Variants in ATG7 observed in about 807,000 individuals in gnomAD.
ATG7 encodes ubiquitin-like modifier-activating enzyme ATG7.
A neutral mutation model predicts 82.4 loss-of-function variants in ATG7; 70 were observed. The ratio of observed to expected loss-of-function variants is 0.85; its 90% confidence interval spans 0.70 to 1.04. The LOEUF (loss-of-function observed/expected upper bound fraction) is 1.04. ATG7 is among the 50% of genes least tolerant of loss of function. ATG7 has a pLI of 0.00. For synonymous variants in ATG7, 287 were observed against 313.0 expected (o/e 0.92, Z 0.88); for missense variants, 792 against 864.3 (o/e 0.92, Z 1.05).
intron 20 of ATG7, among the ~76,000 whole-genome samples, chr3:11,462,944 G>C (rs1320149829): frequency 6.6e-6 from 1 of 151,350 alleles, no homozygotes; most frequent in Non-Finnish European, 1.5e-5. Flanking sequence ...GGAGTGTAAT[G>C]GTGCGATCTC....
At chr3:11,413,747 G>C (rs2081128238) in intron 19 of ATG7, among the ~76,000 whole-genome samples, 1 of 152,182 alleles carries the variant, frequency 6.6e-6, no homozygotes, top group Non-Finnish European at 1.5e-5. Context: ...TGGCCTCATA[G>C]AATGACTTAG....
chr3:11,410,817 A>C (rs981743081), intron 19 of ATG7, among the ~76,000 whole-genome samples: 2 of 152,186 alleles, frequency 1.3e-5, no homozygotes, highest in African/African-American at 4.8e-5. Flanking sequence ...CCATGGATGG[A>C]CACTTGGATT....
At position 11,275,498 on chromosome 3, in the gene ATG7, A is replaced by C. The variant is rs577395116; in HGVS notation, c.-366+3068A>C. Among the ~76,000 whole-genome samples, 17 of 134,894 alleles carry C rather than the reference A, an allele frequency of 1.3e-4. No homozygotes were observed. In the South Asian group the frequency reaches 2.6e-3, roughly 21 times the overall value. 88.5% of individuals were successfully genotyped at this position (134,894 alleles called of 152,430 possible). ...CCAGGAACTGGGACTACAGGTGCCCACCACCATGCCCGGCTAATTTTTTTT... is the reference window on the plus strand; with the variant it reads ...CCAGGAACTGGGACTACAGGTGCCCCCCACCATGCCCGGCTAATTTTTTTT... On this transcript the variant is annotated intron_variant, in intron 1 of 20. Coordinates refer to ENST00000693202, the MANE Select transcript of ATG7 (RefSeq NM_001349232.2).
intron 19 of ATG7, among the ~76,000 whole-genome samples, chr3:11,389,232 C>CAAAAAAAAAA (rs752930553): frequency 1.7e-5 from 1 of 57,264 alleles, no homozygotes; most frequent in Non-Finnish European, 2.9e-5. Flanking sequence ...GACCCTGTCT[C>CAAAAAAAAAA]AAAAAAAAAA....
At chr3:11,392,244 T>A (rs1302655022) in intron 19 of ATG7, among the ~76,000 whole-genome samples, 1 of 152,112 alleles carries the variant, frequency 6.6e-6, no homozygotes, top group Non-Finnish European at 1.5e-5. Flanking sequence ...TTTTGGTTAA[T>A]TCTCAGCTTA....
intron 20 of ATG7, among the ~76,000 whole-genome samples, chr3:11,455,841 G>A (rs2085654027): frequency 6.6e-6 from 1 of 152,214 alleles, no homozygotes; most frequent in South Asian, 2.1e-4. Flanking sequence ...CCCCACAGAT[G>A]GTTAATTACT....
Position 11,489,049 on chromosome 3 carries a change from G to A in ATG7, c.2079+62123G>A, listed in dbSNP as rs577184404. 7.0e-3 allele frequency among the ~76,000 whole-genome samples: 1,072 copies of A among 152,182 alleles called. 8 individuals are homozygous for A. The highest frequency in any genetic ancestry group is 0.011 in the Non-Finnish European group (721 of 67,996). On this transcript the variant is annotated intron_variant, in intron 20 of 20. Transcript: ENST00000693202. ...ATCTGGTCCTGGACTCTTTTTGGTT[G>A]GTAAGCTATTGATTATTGCCACAAT...
intron 20 of ATG7, among the ~76,000 whole-genome samples, chr3:11,535,175 G>A (rs74528647): frequency 0.041 from 6,219 of 152,290 alleles, 401 homozygotes; most frequent in African/African-American, 0.14. Flanking sequence ...GCCTGGACCC[G>A]GGCCATGCCC....
At chr3:11,425,962 G>A (rs1227883541) in intron 19 of ATG7, among the ~76,000 whole-genome samples, 1 of 152,090 alleles carries the variant, frequency 6.6e-6, no homozygotes, top group Non-Finnish European at 1.5e-5. Flanking sequence ...TGTTCTCACT[G>A]ATATATAGTA....
chr3:11,331,205 T>G, intron 9 of ATG7, 135 bp from the exon 10 acceptor site: 1 of 729,314 alleles, frequency 1.4e-6, no homozygotes, highest in Non-Finnish European at 2.4e-6. Flanking sequence ...TCTCCTCCCC[T>G]TAGCCCTTTA....
chr3:11,530,126 C>T (rs895396995), intron 20 of ATG7, among the ~76,000 whole-genome samples: 1 of 152,138 alleles, frequency 6.6e-6, no homozygotes, highest in African/African-American at 2.4e-5. Flanking sequence ...ACTGGATGAC[C>T]CATGCAGAAA....
intron 20 of ATG7, among the ~76,000 whole-genome samples, chr3:11,461,904 C>A (rs1158250271): frequency 6.6e-6 from 1 of 151,958 alleles, no homozygotes; most frequent in Non-Finnish European, 1.5e-5. Flanking sequence ...GTGGCGGGCG[C>A]CTGTAGTCCC....
In ATG7 at chr3:11,503,558, A is replaced by G. The variant is rs187669427; in HGVS notation, c.2080-51253A>G. 2.0e-5 allele frequency among the ~76,000 whole-genome samples: 3 copies of G among 152,182 alleles called. No individual in the cohort carries two copies. The East Asian group carries it at 5.8e-4, about 29-fold the overall frequency. The stretch of plus-strand genomic sequence containing the variant: ...CAGATCACGAAGTCAGGAGGTCAAG[A>G]CCAGCCTGACCAACATGATGAAACC... On this transcript the variant is annotated intron_variant, in intron 20 of 20. Transcript: ENST00000693202.
chr3:11,304,655 T>C (rs551482733), intron 5 of ATG7: 1 of 152,362 alleles, frequency 6.6e-6, no homozygotes, highest in East Asian at 1.9e-4. Context: ...CCCAGCACTT[T>C]CCTGAGTCAT....
At chr3:11,351,888 C>T (rs554121212) in intron 14 of ATG7, among the ~76,000 whole-genome samples, 1 of 150,514 alleles carries the variant, frequency 6.6e-6, no homozygotes, top group South Asian at 2.1e-4. Context: ...TTCTAGGGTA[C>T]ATGTGCACAA....
chr3:11,552,436 A>C (rs1218519559), intron 20 of ATG7, among the ~76,000 whole-genome samples: 1 of 152,122 alleles, frequency 6.6e-6, no homozygotes, highest in Non-Finnish European at 1.5e-5. Flanking sequence ...CACCAGTTGC[A>C]CTGCCAAGGA....
chr3:11,481,255 C>G (rs1398471765), intron 20 of ATG7, among the ~76,000 whole-genome samples: 1 of 152,184 alleles, frequency 6.6e-6, no homozygotes, highest in African/African-American at 2.4e-5. Context: ...GACGGTTGCA[C>G]AACAGTGTGA....
intron 20 of ATG7, among the ~76,000 whole-genome samples, chr3:11,435,460 A>G (rs1014790916): frequency 2.0e-5 from 3 of 152,218 alleles, no homozygotes; most frequent in African/African-American, 4.8e-5. Flanking sequence ...GATGAGTTCC[A>G]AAGCCCTCTT....
chr3:11,430,386 G>A (rs1033721165), intron 20 of ATG7, among the ~76,000 whole-genome samples: 9 of 151,938 alleles, frequency 5.9e-5, no homozygotes, highest in Non-Finnish European at 1.3e-4. Flanking sequence ...TTACATACTT[G>A]ATTCTCAATG....
Sources: gnomAD v4.1 joint callset for allele counts (sites outside exome capture counted in the v4.1 genomes callset) on GRCh38, gnomAD v4.1.1 for gene constraint, MANE v1.5 for transcripts, NCBI Gene and HGNC (gene_info 2026-07-23, HGNC 2026-07-21) for gene names.